POLA1: variants seen among roughly 807,000 people sequenced by gnomAD.
POLA1 encodes DNA polymerase alpha catalytic subunit.
POLA1 carries 15 observed loss-of-function variants against 124.0 expected under a neutral mutation model. The ratio of observed to expected loss-of-function variants is 0.12; its 90% CI spans 0.08 to 0.19. The LOEUF is 0.19. POLA1 is among the 10% of genes least tolerant of loss of function. POLA1 has a pLI of 1.00. For synonymous variants in POLA1, 408 were observed against 389.4 expected, an observed-to-expected ratio of 1.05 and a Z score of -0.56; for missense variants, 886 against 1,103.4, an observed-to-expected ratio of 0.80 and a Z score of 2.79.
At chrX:24,714,474 A>C in intron 4 of POLA1, 80 bp from the exon 5 acceptor site, 25 of 559,679 alleles carry the variant, frequency 4.5e-5, no homozygotes, top group Admixed American at 6.7e-5. Context: ...TCTTCCCAAT[A>C]GAGATCAAGT....
chrX:24,871,559 A>C (rs1406074513), intron 34 of POLA1, among the ~76,000 whole-genome samples: 1 of 111,965 alleles, frequency 8.9e-6, no homozygotes. Flanking sequence ...TCAGTTATGG[A>C]TAAATCATGA....
At chrX:24,768,832 C>A (rs1053255717) in intron 26 of POLA1, among the ~76,000 whole-genome samples, 1 of 111,563 alleles carries the variant, frequency 9.0e-6, no homozygotes, top group Non-Finnish European at 1.9e-5. Flanking sequence ...CCGGAAACAG[C>A]GCTTTATTCT....
chrX:24,851,431 A>G (rs1164239550), intron 34 of POLA1, among the ~76,000 whole-genome samples: 1 of 112,738 alleles, frequency 8.9e-6, no homozygotes, highest in Non-Finnish European at 1.9e-5. Flanking sequence ...GTTGCTTAGC[A>G]TCTTCTTTGC....
intron 36 of POLA1, among the ~76,000 whole-genome samples, chrX:24,979,122 A>G (rs778581663): frequency 6.2e-5 from 7 of 112,276 alleles, no homozygotes; most frequent in Admixed American, 1.9e-4. Flanking sequence ...CTTAATGATT[A>G]ACATTATAAA....
intron 36 of POLA1, among the ~76,000 whole-genome samples, chrX:24,952,657 T>C (rs1373109620): frequency 8.9e-6 from 1 of 112,607 alleles, no homozygotes; most frequent in Non-Finnish European, 1.9e-5. Flanking sequence ...GTACCCTTTG[T>C]TATATTTGCC....
chrX:24,935,937 A>G (rs1441537573), intron 36 of POLA1, among the ~76,000 whole-genome samples: 1 of 112,894 alleles, frequency 8.9e-6, no homozygotes, highest in African/African-American at 3.2e-5. Context: ...ACTCTTTGCA[A>G]GTGATACTGA....
At chrX:24,798,795 G>A (rs930292206) in intron 26 of POLA1, among the ~76,000 whole-genome samples, 18 of 111,332 alleles carry the variant, frequency 1.6e-4, no homozygotes, top group African/African-American at 5.6e-4. Context: ...AGGGTCAACT[G>A]TATTTATTCT....
At chrX:24,981,368 A>G (rs902008306) in intron 36 of POLA1, among the ~76,000 whole-genome samples, 6 of 112,063 alleles carry the variant, frequency 5.4e-5, no homozygotes, top group African/African-American at 1.9e-4. Flanking sequence ...TCCAGCCCCA[A>G]TAACCTTTGA....
intron 15 of POLA1, among the ~76,000 whole-genome samples, chrX:24,731,854 A>G (rs1930925199): frequency 8.9e-6 from 1 of 112,448 alleles, no homozygotes; most frequent in Non-Finnish European, 1.9e-5. Flanking sequence ...AGGTAGGGTT[A>G]TAGATGAGTT....
chrX:24,789,696 C>G (rs930575372), intron 26 of POLA1, among the ~76,000 whole-genome samples: 2 of 111,496 alleles, frequency 1.8e-5, no homozygotes, highest in African/African-American at 6.5e-5. Flanking sequence ...GATTTTTATT[C>G]GTATTTAAAG....
chrX:24,753,091 A>G (rs897997985), intron 26 of POLA1, among the ~76,000 whole-genome samples: 3 of 109,616 alleles, frequency 2.7e-5, no homozygotes, highest in African/African-American at 1.0e-4. Context: ...GGCTCACTGC[A>G]AGCTCCGCCT....
intron 30 of POLA1, 79 bp from the exon 31 acceptor site, chrX:24,821,373 A>G (rs2046084669): frequency 1.3e-6 from 1 of 773,319 alleles, no homozygotes; most frequent in African/African-American, 2.1e-5. Flanking sequence ...GTATGATTCT[A>G]GCAAAGATGT....
At chrX:24,893,648 T>G (rs1032348134) in intron 35 of POLA1, among the ~76,000 whole-genome samples, 1 of 112,240 alleles carries the variant, frequency 8.9e-6, no homozygotes, top group Admixed American at 9.5e-5. Flanking sequence ...TTATACGATA[T>G]GTAACCTTTT....
intron 26 of POLA1, chrX:24,788,600 T>C: frequency 8.4e-7 from 1 of 1,192,537 alleles, no homozygotes; most frequent in Non-Finnish European, 1.1e-6. Context: ...CTCCTCTAAT[T>C]TCGCCATATC....
intron 23 of POLA1, among the ~76,000 whole-genome samples, chrX:24,745,065 CA>C (rs1277724361): frequency 5.7e-5 from 6 of 105,835 alleles, no homozygotes; most frequent in Non-Finnish European, 7.7e-5. Flanking sequence ...GAGAGTTGAA[CA>C]TTTTTTTTTT....
At chrX:24,922,665 A>G in intron 35 of POLA1, among the ~76,000 whole-genome samples, 1 of 111,510 alleles carries the variant, frequency 9.0e-6, no homozygotes, top group Non-Finnish European at 1.9e-5. Context: ...CTATCCATTC[A>G]TACCATAGAT....
At chrX:24,924,519 C>A (rs990058460) in intron 35 of POLA1, among the ~76,000 whole-genome samples, 2 of 111,583 alleles carry the variant, frequency 1.8e-5, no homozygotes, top group African/African-American at 6.5e-5. Flanking sequence ...GTGGTCCCCG[C>A]CCTCAGCAGC....
chrX:24,940,139 C>T (rs1382751467), intron 36 of POLA1, among the ~76,000 whole-genome samples: 2 of 111,468 alleles, frequency 1.8e-5, no homozygotes, highest in Non-Finnish European at 3.8e-5. Context: ...AACATAAGCG[C>T]ACAAACATGT....
Position 24,815,093 on chromosome X carries a change from C to T in POLA1, c.3411C>T (p.Ser1137=). 8.3e-7 allele frequency: 1 copy of T among 1,202,175 alleles called. No homozygotes were observed. The highest frequency in any genetic ancestry group is 1.1e-6 in the Non-Finnish European group (1 of 890,682). ...TGCTAAATGGCAGTGTCCCAGTGAG[C>T]CAGTTTGAAATTAACAAGGTAAATG... is the stretch of plus-strand genomic sequence containing the variant. ...ENVLNGSVPV[S]QFEINKALTK... Residue 1137 remains serine, a synonymous_variant, in exon 30 of 37, where the codon AGC becomes AGT. Transcript: ENST00000379068.
Sources: allele counts gnomAD v4.1 joint callset (sites outside exome capture counted in the v4.1 genomes callset), GRCh38; gene constraint gnomAD v4.1.1; transcripts MANE v1.5; gene names NCBI Gene and HGNC (gene_info 2026-07-23, HGNC 2026-07-21).